CNTNAP2: variants seen among roughly 807,000 people sequenced by gnomAD.
CNTNAP2 encodes the protein contactin associated protein 2.
A neutral mutation model predicts 155.2 loss-of-function variants in CNTNAP2; 98 were observed. The observed-to-expected ratio is 0.63, with a 90% confidence interval of 0.54 to 0.75. The LOEUF (loss-of-function observed/expected upper bound fraction) is 0.75. CNTNAP2 is among the 30% of genes least tolerant of loss of function. The probability of loss-of-function intolerance (pLI) is 0.00; values close to 1 mark genes in which losing one functional copy is unlikely to be tolerated. For synonymous variants in CNTNAP2, 651 were observed against 631.2 expected (o/e 1.03, Z -0.47); for missense variants, 1,727 against 1,688.1 (o/e 1.02, Z -0.40).
chr7:147,625,358 A>G (rs1347110597), intron 12 of CNTNAP2, among the ~76,000 whole-genome samples: 2 of 152,130 alleles, frequency 1.3e-5, no homozygotes, highest in Non-Finnish European at 2.9e-5. Flanking sequence ...AAAGTATCTC[A>G]TGTACCCCAT....
At chr7:147,223,518 G>A (rs892755619) in intron 8 of CNTNAP2, among the ~76,000 whole-genome samples, 4 of 152,180 alleles carry the variant, frequency 2.6e-5, no homozygotes, top group African/African-American at 7.2e-5. Flanking sequence ...ATACCCTGAG[G>A]CATTGTGATG....
chr7:146,572,343 G>A (rs1374929713), intron 1 of CNTNAP2, among the ~76,000 whole-genome samples: 1 of 147,604 alleles, frequency 6.8e-6, no homozygotes, highest in East Asian at 2.0e-4. Context: ...AGAAAGCAAT[G>A]CCTCCTGAGT....
At position 146,839,858 on chromosome 7, in the gene CNTNAP2, A is replaced by C; in HGVS notation, c.356A>C (p.Asp119Ala). ...WVTQYRMLYS[D>A]TGRNWKPYHQ... is the part of the protein sequence containing the mutation. ...ACCCAATACCGGATGCTCTACAGCG[A>C]CACAGGGAGAAACTGGAAACCCTAT... is the stretch of plus-strand genomic sequence containing the variant. The change falls in exon 3 of 24, where the codon GAC becomes GCC. Residue 119 changes from aspartate to alanine, a missense_variant. Coordinates refer to ENST00000361727, the MANE Select transcript of CNTNAP2 (RefSeq NM_014141.6). 6.2e-7 allele frequency: 1 copy of C among 1,614,198 alleles called. No homozygotes were observed. Among genetic ancestry groups the C allele is most frequent in the Non-Finnish European group, 8.5e-7 (1 of 1,180,038 alleles).
intron 1 of CNTNAP2, among the ~76,000 whole-genome samples, chr7:146,379,445 T>C (rs1322755403): frequency 1.3e-5 from 2 of 152,148 alleles, no homozygotes; most frequent in African/African-American, 4.8e-5. Flanking sequence ...CTTAAGAAAG[T>C]AAAGGGTAAA....
At chr7:146,347,631 T>A (rs1200524918) in intron 1 of CNTNAP2, among the ~76,000 whole-genome samples, 2 of 152,170 alleles carry the variant, frequency 1.3e-5, no homozygotes, top group Non-Finnish European at 2.9e-5. Context: ...AGTGGTGTGA[T>A]CTCAGCTCAC....
intron 13 of CNTNAP2, among the ~76,000 whole-genome samples, chr7:147,821,183 A>G (rs1798353910): frequency 6.6e-6 from 1 of 152,132 alleles, no homozygotes; most frequent in Non-Finnish European, 1.5e-5. Context: ...ATATTTTTAA[A>G]CAACATGACT....
intron 1 of CNTNAP2, among the ~76,000 whole-genome samples, chr7:146,420,525 C>T (rs181767608): frequency 2.2e-4 from 34 of 152,030 alleles, no homozygotes; most frequent in African/African-American, 8.2e-4. Context: ...AGTTTTCTGG[C>T]AATATTAATG....
chr7:147,010,162 A>C, intron 3 of CNTNAP2, among the ~76,000 whole-genome samples: 1 of 152,022 alleles, frequency 6.6e-6, no homozygotes, highest in Non-Finnish European at 1.5e-5. Flanking sequence ...GGCATGCGCA[A>C]CCACGCCAAG....
At chr7:146,824,437 G>T (rs2129197096) in intron 2 of CNTNAP2, among the ~76,000 whole-genome samples, 1 of 152,118 alleles carries the variant, frequency 6.6e-6, no homozygotes, top group African/African-American at 2.4e-5. Context: ...GGTATTTCTG[G>T]TTCTGCATCC....
chr7:147,982,721 C>T (rs1801552229), intron 15 of CNTNAP2, among the ~76,000 whole-genome samples: 1 of 152,032 alleles, frequency 6.6e-6, no homozygotes, highest in Non-Finnish European at 1.5e-5. Context: ...ATTCCCTTGA[C>T]AGGAGAGATA....
At chr7:148,148,757 C>T (rs1365637872) in intron 17 of CNTNAP2, among the ~76,000 whole-genome samples, 1 of 152,148 alleles carries the variant, frequency 6.6e-6, no homozygotes, top group Non-Finnish European at 1.5e-5. Context: ...AATTAGATCT[C>T]CATTCATTTT....
chr7:148,105,623 T>C (rs575789426), intron 15 of CNTNAP2, among the ~76,000 whole-genome samples: 1 of 152,114 alleles, frequency 6.6e-6, no homozygotes, highest in African/African-American at 2.4e-5. Flanking sequence ...AGTCTTGCTC[T>C]GTTGCCCAGG....
chr7:147,775,319 A>G (rs1481047307), intron 13 of CNTNAP2, among the ~76,000 whole-genome samples: 951 of 34,306 alleles, frequency 0.028, 37 homozygotes, highest in African/African-American at 0.079. Flanking sequence ...AAATATATAT[A>G]TATTTATATA....
At chr7:147,623,151 A>C (rs1794898739) in intron 12 of CNTNAP2, among the ~76,000 whole-genome samples, 1 of 152,016 alleles carries the variant, frequency 6.6e-6, no homozygotes, top group South Asian at 2.1e-4. Context: ...AAGCACAGGA[A>C]CTGAAGGCGG....
intron 1 of CNTNAP2, among the ~76,000 whole-genome samples, chr7:146,563,468 T>A (rs1349193528): frequency 6.6e-6 from 1 of 152,160 alleles, no homozygotes; most frequent in African/African-American, 2.4e-5. Context: ...ACATGCTGTC[T>A]ACTTTCTCAG....
intron 2 of CNTNAP2, among the ~76,000 whole-genome samples, chr7:146,826,702 A>G (rs1803407148): frequency 4.6e-5 from 7 of 152,020 alleles, no homozygotes; most frequent in Admixed American, 4.6e-4. Flanking sequence ...CTCCTTTCCT[A>G]GTGTGGTCCA....
chr7:146,658,830 G>A (rs116293598), intron 1 of CNTNAP2, among the ~76,000 whole-genome samples: 3,765 of 152,278 alleles, frequency 0.025, 115 homozygotes, highest in African/African-American at 0.067. Flanking sequence ...TCGAGAAAAC[G>A]AATGCCTCTA....
intron 1 of CNTNAP2, among the ~76,000 whole-genome samples, chr7:146,195,574 G>A (rs1209630431): frequency 2.0e-5 from 3 of 152,180 alleles, no homozygotes; most frequent in Admixed American, 6.5e-5. Context: ...AGAAATGTTT[G>A]GAAAAGACTC....
intron 11 of CNTNAP2, among the ~76,000 whole-genome samples, chr7:147,550,957 T>TA (rs1457023328): frequency 3.9e-5 from 6 of 152,168 alleles, no homozygotes; most frequent in Non-Finnish European, 8.8e-5. Flanking sequence ...ATAGTATCCA[T>TA]AAAAAATACT....
Sources: allele counts gnomAD v4.1 joint callset (sites outside exome capture counted in the v4.1 genomes callset), GRCh38; gene constraint gnomAD v4.1.1; transcripts MANE v1.5; gene names NCBI Gene and HGNC (gene_info 2026-07-23, HGNC 2026-07-21).